The following SLC39A11 variants were observed in gnomAD, a reference collection of about 807,000 sequenced individuals.
SLC39A11 encodes the protein zinc transporter ZIP11.
Under a neutral mutation model 36.1 loss-of-function variants are expected in SLC39A11, and 33 were observed. That is an observed-to-expected ratio of 0.91 (90% CI 0.69 to 1.22). The LOEUF is 1.22. SLC39A11 is among the 50% of genes most tolerant of loss of function. The pLI is 0.00. For missense variants in SLC39A11, 432 were observed against 430.3 expected, an observed-to-expected ratio of 1.00 and a Z score of -0.03; for synonymous variants, 166 against 170.3, an observed-to-expected ratio of 0.97 and a Z score of 0.20.
chr17:72,896,059 T>G (rs11655379), intron 5 of SLC39A11, among the ~76,000 whole-genome samples: 21,073 of 152,006 alleles, frequency 0.14, 1,828 homozygotes, highest in East Asian at 0.29. Flanking sequence ...TTAAGTTATT[T>G]TATATTACTA....
At chr17:72,769,223 G>A (rs1317753178) in intron 6 of SLC39A11, among the ~76,000 whole-genome samples, 1 of 152,318 alleles carries the variant, frequency 6.6e-6, no homozygotes, top group East Asian at 1.9e-4. Flanking sequence ...CAGAGTCCAT[G>A]ACAGTTAACA....
intron 3 of SLC39A11, among the ~76,000 whole-genome samples, chr17:73,081,666 C>T (rs1038618486): frequency 3.8e-5 from 3 of 78,476 alleles, no homozygotes; most frequent in African/African-American, 9.8e-5. Flanking sequence ...CACACACACA[C>T]ACACATATAT....
intron 6 of SLC39A11, among the ~76,000 whole-genome samples, chr17:72,776,651 T>C (rs2076144947): frequency 6.9e-6 from 1 of 144,648 alleles, no homozygotes; most frequent in African/African-American, 2.5e-5. Context: ...CTGTTGGTAA[T>C]CCAGCTGCTA....
intron 5 of SLC39A11, among the ~76,000 whole-genome samples, chr17:72,937,679 A>C (rs987149010): frequency 6.6e-6 from 1 of 152,130 alleles, no homozygotes; most frequent in African/African-American, 2.4e-5. Flanking sequence ...TTTCCCCAGG[A>C]GGGCTGAATC....
At chr17:72,826,618 T>C (rs1031464930) in intron 6 of SLC39A11, among the ~76,000 whole-genome samples, 7 of 152,242 alleles carry the variant, frequency 4.6e-5, no homozygotes, top group South Asian at 2.1e-4. Context: ...ATCATAATTA[T>C]GCATATCACA....
intron 7 of SLC39A11, among the ~76,000 whole-genome samples, chr17:72,676,098 ACAC>A (rs1395086486): frequency 4.0e-5 from 6 of 150,554 alleles, no homozygotes; most frequent in African/African-American, 1.5e-4. Flanking sequence ...ACACACACAC[ACAC>A]ACTTGCTGTA....
chr17:72,880,407 C>G (rs191642647), intron 5 of SLC39A11, among the ~76,000 whole-genome samples: 1 of 151,838 alleles, frequency 6.6e-6, no homozygotes, highest in Non-Finnish European at 1.5e-5. Flanking sequence ...TGTCTCTACT[C>G]CCCCACAAAA....
At chr17:72,905,172 CAAAAAAAAAAAAAA>C (rs58702930) in intron 5 of SLC39A11, among the ~76,000 whole-genome samples, 3 of 42,902 alleles carry the variant, frequency 7.0e-5, no homozygotes, top group East Asian at 1.1e-3. Flanking sequence ...GACTCCATCT[CAAAAAAAAAAAAAA>C]AAAAAAAAAA....
At chr17:72,786,695 C>T (rs545239876) in intron 6 of SLC39A11, among the ~76,000 whole-genome samples, 66 of 152,224 alleles carry the variant, frequency 4.3e-4, no homozygotes, top group South Asian at 6.2e-4. Context: ...GGAAGTGGGA[C>T]GCACATCTAG....
intron 4 of SLC39A11, among the ~76,000 whole-genome samples, chr17:72,958,013 T>C (rs531597469): frequency 5.9e-5 from 9 of 152,012 alleles, no homozygotes; most frequent in East Asian, 1.9e-4. Context: ...ACAACAAAAA[T>C]AGACACATAG....
intron 5 of SLC39A11, among the ~76,000 whole-genome samples, chr17:72,924,775 G>A (rs368560997): frequency 3.9e-5 from 6 of 152,184 alleles, no homozygotes; most frequent in South Asian, 2.1e-4. Flanking sequence ...AGGCCAAGGC[G>A]GGTGGATCAC....
intron 7 of SLC39A11, among the ~76,000 whole-genome samples, chr17:72,674,148 C>T (rs887524968): frequency 6.6e-6 from 1 of 152,096 alleles, no homozygotes; most frequent in African/African-American, 2.4e-5. Context: ...CCCCTACTCC[C>T]TCCTTCCCTC....
chr17:72,940,900 G>A (rs187094105), intron 5 of SLC39A11, among the ~76,000 whole-genome samples: 184 of 152,304 alleles, frequency 1.2e-3, no homozygotes, highest in African/African-American at 4.2e-3. Flanking sequence ...CTGTAAGGGA[G>A]ATAGGATTTT....
chr17:72,785,172 C>T (rs1386118826), intron 6 of SLC39A11, among the ~76,000 whole-genome samples: 1 of 152,114 alleles, frequency 6.6e-6, no homozygotes, highest in African/African-American at 2.4e-5. Flanking sequence ...CATAAATTAC[C>T]CAGTCTCAGG....
In SLC39A11 at chr17:72,832,674, G is replaced by T. The variant is rs561607105; in HGVS notation, c.601+16960C>A. On this transcript the variant is annotated intron_variant, in intron 6 of 9. Coordinates refer to ENST00000255559, the MANE Select transcript of SLC39A11 (RefSeq NM_139177.4). ...AATTTTGATTTCAGAATCCAACCTTGGTTAATGGTTATTTGCAGAAAACTA... is the reference window on the plus strand; with the variant it reads ...AATTTTGATTTCAGAATCCAACCTTTGTTAATGGTTATTTGCAGAAAACTA... Among the ~76,000 whole-genome samples the T allele has an allele frequency of 1.2e-4, 19 of 152,212 alleles. No homozygotes were observed. In the South Asian group the frequency reaches 4.0e-3, roughly 32 times the overall value.
At position 72,646,603 on chromosome 17, in the gene SLC39A11, T is replaced by C. The variant is rs1126967; in HGVS notation, c.*981A>G. 63,573 of 152,192 alleles carry C rather than the reference T, an allele frequency of 0.42. 13,349 individuals are homozygous for C. Among genetic ancestry groups the C allele is most frequent in the Middle Eastern group, 0.49 (143 of 292 alleles). The allele number at this position is 152,192 out of a possible 1,614,324, so 9.4% of individuals were successfully genotyped here. On this transcript the variant is annotated 3_prime_UTR_variant, in exon 10 of 10. Transcript: ENST00000255559. ...CAGCTCAAGAGTTTTTGTCAGATTA[T>C]AAGTTACCAAATGGTCAACAGGGAA...
chr17:72,880,675 T>C (rs1427088167), intron 5 of SLC39A11, among the ~76,000 whole-genome samples: 1 of 151,564 alleles, frequency 6.6e-6, no homozygotes, highest in African/African-American at 2.4e-5. Context: ...CAAGTTCAGA[T>C]ACATGGCTTT....
chr17:72,972,411 C>T (rs1202489808), intron 4 of SLC39A11, among the ~76,000 whole-genome samples: 3 of 152,136 alleles, frequency 2.0e-5, no homozygotes, highest in African/African-American at 7.2e-5. Context: ...CTAATATTTA[C>T]TCAGTGAAAG....
intron 7 of SLC39A11, among the ~76,000 whole-genome samples, chr17:72,731,189 A>G (rs950122560): frequency 2.0e-5 from 3 of 152,196 alleles, no homozygotes; most frequent in African/African-American, 7.2e-5. Context: ...TCTACTCTAG[A>G]ATGGCAGTTA....
Sources: gnomAD v4.1 joint callset for allele counts (sites outside exome capture counted in the v4.1 genomes callset) on GRCh38, gnomAD v4.1.1 for gene constraint, MANE v1.5 for transcripts, NCBI Gene and HGNC (gene_info 2026-07-23, HGNC 2026-07-21) for gene names.